ATP8A1: variants seen among roughly 807,000 people sequenced by gnomAD.
The protein encoded by ATP8A1 is ATPase phospholipid transporting 8A1.
A neutral mutation model predicts 177.7 loss-of-function variants in ATP8A1; 90 were observed. The ratio of observed to expected loss-of-function variants is 0.51; its 90% CI spans 0.43 to 0.60. The LOEUF (loss-of-function observed/expected upper bound fraction) is 0.60, where lower values mean the gene tolerates loss of function less well. Ranked by LOEUF, ATP8A1 falls within the 20% of genes least tolerant of loss-of-function variation. The pLI is 0.00. For missense variants in ATP8A1, 1,072 were observed against 1,392.8 expected (o/e 0.77, Z 3.67); for synonymous variants, 493 against 485.9 (o/e 1.01, Z -0.19).
intron 6 of ATP8A1, among the ~76,000 whole-genome samples, chr4:42,593,424 T>A (rs1319397508): frequency 6.6e-6 from 1 of 152,100 alleles, no homozygotes; most frequent in African/African-American, 2.4e-5. Context: ...CTGCAGTTAC[T>A]TTAATTGGTT....
chr4:42,579,700 T>A, intron 11 of ATP8A1, 113 bp downstream of exon 11: 1 of 967,658 alleles, frequency 1.0e-6, no homozygotes, highest in Non-Finnish European at 1.5e-6. Flanking sequence ...TGTCCAGCTA[T>A]CTTGGCAACA....
chr4:42,417,972 T>C (rs1713437379), intron 35 of ATP8A1, among the ~76,000 whole-genome samples: 1 of 152,196 alleles, frequency 6.6e-6, no homozygotes, highest in Admixed American at 6.5e-5. Flanking sequence ...GAAGGAAACA[T>C]TTGACAGATC....
rs142034589 is a variant in ATP8A1 at position 42,446,020 on chromosome 4, C to T, written c.2958+563G>A. 7.4e-3 allele frequency among the ~76,000 whole-genome samples: 1,019 copies of T among 136,872 alleles called. 13 individuals are homozygous for T. Among genetic ancestry groups the T allele is most frequent in the African/African-American group, 0.026 (928 of 36,206 alleles). 89.8% of individuals were successfully genotyped at this position (136,872 alleles called of 152,430 possible). On this transcript the variant is annotated intron_variant, in intron 31 of 36. Transcript: ENST00000381668. ...ACATGAACCCATGAGGCAGAGGCTG[C>T]AGTGAGCCAAGGTCATGCCACTGCA...
rs1291964703 is a variant in ATP8A1, at chr4:42,635,790, T to TATATATATATATATAC, written c.50-8682_50-8681insGTATATATATATATAT. Among the ~76,000 whole-genome samples, 3 of 103,718 alleles carry TATATATATATATATAC rather than the reference T, an allele frequency of 2.9e-5. 1 individual carries two copies. The highest frequency in any genetic ancestry group is 0.011 in the Middle Eastern group (2 of 182). The allele number at this position is 103,718 out of a possible 152,430, so 68.0% of individuals were successfully genotyped here. A position where few individuals can be genotyped will look rare whatever the true frequency, so the allele number is the denominator to read the frequency against. ...ACACACACACACACACACATATATATATATATATATATATATATATACACA... is the reference window on the plus strand; with the variant it reads ...ACACACACACACACACACATATATATATATATATATATATACATATATATATATATATATATACACA... On this transcript the variant is annotated intron_variant, in intron 1 of 36. Coordinates refer to ENST00000381668, the MANE Select transcript of ATP8A1 (RefSeq NM_006095.2).
rs534464106 is a variant in ATP8A1, at chr4:42,652,722, C to T, written c.49+4103G>A. Among the ~76,000 whole-genome samples the T allele has an allele frequency of 3.9e-5, 6 of 152,266 alleles. No homozygotes were observed. The South Asian group carries it at 1.0e-3, about 26-fold the overall frequency. On this transcript the variant is annotated intron_variant, in intron 1 of 36. Coordinates refer to ENST00000381668, the MANE Select transcript of ATP8A1 (RefSeq NM_006095.2). ...TTCTCATGACAGTGAATAAGTCTCA[C>T]GAGATCTGATAGTTTTATAAAGAGC...
chr4:42,656,728 G>A (rs1741668530), intron 1 of ATP8A1, 97 bp downstream of exon 1: 14 of 1,323,430 alleles, frequency 1.1e-5, no homozygotes, highest in Non-Finnish European at 1.0e-5. Flanking sequence ...CGCCGGGGAA[G>A]AGGTAGGATG....
chr4:42,465,643 C>T (rs1719656410), intron 25 of ATP8A1, among the ~76,000 whole-genome samples: 1 of 152,164 alleles, frequency 6.6e-6, no homozygotes, highest in Non-Finnish European at 1.5e-5. Flanking sequence ...CAAATGTGGA[C>T]CAGGAACAGA....
intron 18 of ATP8A1, among the ~76,000 whole-genome samples, chr4:42,549,436 A>C (rs563175187): frequency 0.018 from 1,224 of 68,084 alleles, 7 homozygotes; most frequent in Non-Finnish European, 0.025. Flanking sequence ...AATATAGATA[A>C]TAGGGGGGAA....
At chr4:42,435,224 G>A (rs1345656106) in intron 33 of ATP8A1, among the ~76,000 whole-genome samples, 2 of 151,872 alleles carry the variant, frequency 1.3e-5, no homozygotes, top group Non-Finnish European at 2.9e-5. Context: ...TCAGGAGTTC[G>A]AGACCAGCCT....
At chr4:42,594,140 C>T (rs1461759855) in intron 6 of ATP8A1, 1 of 486,072 alleles carries the variant, frequency 2.1e-6, no homozygotes. Flanking sequence ...CCCTTTAAGT[C>T]CAATCAATTT....
intron 8 of ATP8A1, 67 bp downstream of exon 8, chr4:42,588,193 G>A: frequency 1.5e-6 from 2 of 1,351,336 alleles, no homozygotes; most frequent in Non-Finnish European, 2.1e-6. Context: ...ATAACACAAA[G>A]AAAGAAGCTC....
In ATP8A1 at chr4:42,627,071, G is replaced by T; in HGVS notation, c.88C>A (p.Leu30Met). The T allele has an allele frequency of 6.2e-7, 1 of 1,614,096 alleles. No individual in the cohort carries two copies. The highest frequency in any genetic ancestry group is 8.5e-7 in the Non-Finnish European group (1 of 1,179,946). Reference protein sequence around the residue: ...KTDDVSEKTSLADQEEVRTIF... With the variant: ...KTDDVSEKTSMADQEEVRTIF... ...GTCCTTACTTCCTCCTGGTCAGCCA[G>T]TGAGGTCTTCTCTGAAACATCATCT... The change falls in exon 2 of 37, where the codon CTG becomes ATG. Residue 30 changes from leucine (L) to methionine (M), a missense_variant. Physicochemically the swap from Leu to Met is conservative, Grantham distance 15. Around this residue, in one of 5 missense-constraint regions of ATP8A1, gnomAD observed 344 missense variants for 393.5 expected, o/e 0.87. Coordinates refer to ENST00000381668, the MANE Select transcript of ATP8A1 (RefSeq NM_006095.2).
intron 35 of ATP8A1, among the ~76,000 whole-genome samples, chr4:42,417,998 C>T (rs1713440046): frequency 6.6e-6 from 1 of 152,098 alleles, no homozygotes; most frequent in Non-Finnish European, 1.5e-5. Flanking sequence ...GTCCTCAATC[C>T]CCACCAAAGT....
At chr4:42,539,769 A>G (rs944199469) in intron 20 of ATP8A1, among the ~76,000 whole-genome samples, 12 of 152,130 alleles carry the variant, frequency 7.9e-5, no homozygotes, top group African/African-American at 2.9e-4. Context: ...CTGAACCCTT[A>G]TCTCTTGCCA....
At chr4:42,562,836 C>T (rs1730978728) in intron 15 of ATP8A1, among the ~76,000 whole-genome samples, 1 of 152,222 alleles carries the variant, frequency 6.6e-6, no homozygotes, top group South Asian at 2.1e-4. Context: ...CCATGTAAGA[C>T]ATGACTTGCT....
chr4:42,434,344 T>TA (rs1050836461), intron 33 of ATP8A1, among the ~76,000 whole-genome samples: 3 of 152,178 alleles, frequency 2.0e-5, no homozygotes, highest in African/African-American at 7.2e-5. Flanking sequence ...TTTACCTTTT[T>TA]AAAAAAATCT....
chr4:42,587,570 T>G (rs1402534725), intron 8 of ATP8A1, among the ~76,000 whole-genome samples: 1 of 150,986 alleles, frequency 6.6e-6, no homozygotes, highest in Non-Finnish European at 1.5e-5. Context: ...CCTCCCAAAG[T>G]GTGATTACAT....
In ATP8A1 at chr4:42,422,973, T is replaced by C. The variant is rs1035312792; in HGVS notation, c.3213-74A>G. The C allele has an allele frequency of 8.5e-6, 10 of 1,170,696 alleles. No homozygotes were observed. The African/African-American group carries it at 1.5e-4, about 18-fold the overall frequency. 72.5% of individuals were successfully genotyped at this position (1,170,696 alleles called of 1,614,324 possible). A position where few individuals can be genotyped will look rare whatever the true frequency, so the allele number is the denominator to read the frequency against. ...ATTTTACAAAACTAGATGTCTGGCT[T>C]ATTATCACGCGGTTGATAAAGCACA... On this transcript the variant is annotated intron_variant, in intron 34 of 36. Coordinates refer to ENST00000381668, the MANE Select transcript of ATP8A1 (RefSeq NM_006095.2).
intron 15 of ATP8A1, among the ~76,000 whole-genome samples, chr4:42,568,226 G>A (rs758919115): frequency 6.7e-6 from 1 of 149,200 alleles, no homozygotes; most frequent in Non-Finnish European, 1.5e-5. Flanking sequence ...CCTAGGTGTT[G>A]TGAGATTTAC....
Sources: gnomAD v4.1 joint callset for allele counts (sites outside exome capture counted in the v4.1 genomes callset) on GRCh38, gnomAD v4.1.1 for gene constraint, gnomAD v4.1.1 regional missense constraint, MANE v1.5 for transcripts, NCBI Gene and HGNC (gene_info 2026-07-23, HGNC 2026-07-21) for gene names.